SEL1L2: variants seen among roughly 807,000 people sequenced by gnomAD.
The protein encoded by SEL1L2 is SEL1L2 adaptor subunit of SYVN1 ubiquitin ligase, also known as protein sel-1 homolog 2.
SEL1L2 carries 89 observed loss-of-function variants against 98.8 expected under a neutral mutation model. The observed-to-expected ratio is 0.90, with a 90% CI of 0.76 to 1.07. The LOEUF (loss-of-function observed/expected upper bound fraction) is 1.07, where lower values mean the gene tolerates loss of function less well. Among genes scored for constraint, SEL1L2 ranks in the 50% least tolerant of loss-of-function variants. The probability of loss-of-function intolerance (pLI) is 0.00; values close to 1 mark genes in which losing one functional copy is unlikely to be tolerated. For synonymous variants in SEL1L2, 262 were observed against 278.5 expected (o/e 0.94, Z 0.59); for missense variants, 788 against 812.0 (o/e 0.97, Z 0.36).
upstream of SEL1L2, among the ~76,000 whole-genome samples, chr20:13,991,304 T>C (rs116141140): frequency 2.6e-3 from 390 of 152,354 alleles, 2 homozygotes; most frequent in African/African-American, 8.9e-3. Context: ...AAATAGACAT[T>C]TTATTGTTTT....
intron 2 of SEL1L2, among the ~76,000 whole-genome samples, chr20:13,933,069 G>T (rs752287610): frequency 7.9e-5 from 12 of 152,016 alleles, no homozygotes; most frequent in Non-Finnish European, 1.5e-4. Context: ...AATTCGCCAG[G>T]CCTGGTGGTG....
intron 5 of SEL1L2, among the ~76,000 whole-genome samples, chr20:13,890,844 A>C (rs1453070966): frequency 6.6e-6 from 1 of 152,208 alleles, no homozygotes; most frequent in Non-Finnish European, 1.5e-5. Flanking sequence ...GAAATTCTGA[A>C]GCTGAAGAAT....
chr20:13,889,665 C>T (rs183635066), intron 5 of SEL1L2, among the ~76,000 whole-genome samples: 2,439 of 152,080 alleles, frequency 0.016, 31 homozygotes, highest in Non-Finnish European at 0.024. Flanking sequence ...GTAGCGGGGG[C>T]CTGTAGTCCC....
chr20:13,854,854 C>A (rs1433156215), intron 18 of SEL1L2, among the ~76,000 whole-genome samples: 1 of 151,992 alleles, frequency 6.6e-6, no homozygotes, highest in Non-Finnish European at 1.5e-5. Flanking sequence ...GAGATTGAGA[C>A]CATCCTGGCC....
intron 2 of SEL1L2, among the ~76,000 whole-genome samples, chr20:13,935,371 G>T (rs1015257380): frequency 6.6e-6 from 1 of 152,196 alleles, no homozygotes; most frequent in African/African-American, 2.4e-5. Context: ...TGCCAGGGAA[G>T]ATAACAGTCA....
chr20:13,883,758 T>A (rs953855721), intron 10 of SEL1L2, among the ~76,000 whole-genome samples: 1 of 152,212 alleles, frequency 6.6e-6, no homozygotes, highest in African/African-American at 2.4e-5. Flanking sequence ...CTTAGTGGGA[T>A]TTTATTGCAC....
At chr20:13,951,296 A>AAAGG (rs1262924262) in intron 2 of SEL1L2, among the ~76,000 whole-genome samples, 1 of 12,502 alleles carries the variant, frequency 8.0e-5, no homozygotes, top group Non-Finnish European at 2.1e-4. Context: ...AAAAAAAAAA[A>AAAGG]AAAGAAAGAA....
chr20:13,874,502 C>G (rs1445993938), intron 12 of SEL1L2, among the ~76,000 whole-genome samples: 2 of 152,136 alleles, frequency 1.3e-5, no homozygotes, highest in Non-Finnish European at 2.9e-5. Context: ...AGCTTGGAAT[C>G]TGAGTTAATT....
intron 5 of SEL1L2, among the ~76,000 whole-genome samples, chr20:13,898,132 G>T (rs2047502964): frequency 6.6e-6 from 1 of 152,124 alleles, no homozygotes; most frequent in Non-Finnish European, 1.5e-5. Flanking sequence ...CTACTTCTGG[G>T]TATATAACCA....
At chr20:13,923,041 C>G (rs1389689433) in intron 3 of SEL1L2, among the ~76,000 whole-genome samples, 3 of 152,162 alleles carry the variant, frequency 2.0e-5, no homozygotes, top group Non-Finnish European at 2.9e-5. Flanking sequence ...CCAGTTGCTA[C>G]AGGCCACCAC....
chr20:13,906,945 C>T (rs2047958991), intron 5 of SEL1L2, among the ~76,000 whole-genome samples: 1 of 152,170 alleles, frequency 6.6e-6, no homozygotes, highest in African/African-American at 2.4e-5. Flanking sequence ...TCCTGAAATG[C>T]TGGGATTACA....
intron 5 of SEL1L2, among the ~76,000 whole-genome samples, chr20:13,910,021 G>A (rs1207550007): frequency 6.6e-6 from 1 of 152,092 alleles, no homozygotes; most frequent in Non-Finnish European, 1.5e-5. Context: ...CAACAAACCG[G>A]TTCAGCTGAA....
chr20:13,951,404 G>A (rs1374871962), intron 2 of SEL1L2, among the ~76,000 whole-genome samples: 2 of 140,264 alleles, frequency 1.4e-5, no homozygotes, highest in Non-Finnish European at 3.1e-5. Flanking sequence ...CACGAGGTCA[G>A]GAGATCGAAA....
chr20:13,957,986 C>T (rs184501422), intron 1 of SEL1L2, among the ~76,000 whole-genome samples: 11 of 152,164 alleles, frequency 7.2e-5, no homozygotes, highest in Admixed American at 7.2e-4. Flanking sequence ...TAGGATTGTT[C>T]CTTAGGTTCA....
chr20:13,864,897 C>G (rs1990746215), intron 17 of SEL1L2, among the ~76,000 whole-genome samples: 1 of 152,120 alleles, frequency 6.6e-6, no homozygotes, highest in Non-Finnish European at 1.5e-5. Flanking sequence ...TTGTATATTT[C>G]AAAGAACTGT....
chr20:13,911,843 T>C (rs2048217597), intron 5 of SEL1L2, among the ~76,000 whole-genome samples: 1 of 152,156 alleles, frequency 6.6e-6, no homozygotes, highest in Admixed American at 6.6e-5. Flanking sequence ...ATATTATTTT[T>C]ATCCTCCTCC....
intron 1 of SEL1L2, among the ~76,000 whole-genome samples, chr20:13,976,710 G>A (rs62207749): frequency 0.067 from 10,148 of 152,222 alleles, 379 homozygotes; most frequent in Non-Finnish European, 0.078. Context: ...TGGCAGTAAT[G>A]TATGTGGATA....
chr20:13,894,490 G>C (rs1362071257), intron 5 of SEL1L2, among the ~76,000 whole-genome samples: 1 of 152,214 alleles, frequency 6.6e-6, no homozygotes, highest in Non-Finnish European at 1.5e-5. Context: ...AACCCAGGAG[G>C]TGGAGGTTGC....
At chr20:13,908,103 CTTTTTTTTT>C (rs71188195) in intron 5 of SEL1L2, among the ~76,000 whole-genome samples, 1 of 26,746 alleles carries the variant, frequency 3.7e-5, no homozygotes, top group East Asian at 1.4e-3. Context: ...TTTCTTGGTT[CTTTTTTTTT>C]TTTTTTTTTT....
Sources: gnomAD v4.1 joint callset for allele counts (sites outside exome capture counted in the v4.1 genomes callset) on GRCh38, gnomAD v4.1.1 for gene constraint, MANE v1.5 for transcripts, NCBI Gene and HGNC (gene_info 2026-07-23, HGNC 2026-07-21) for gene names.